The following GRIN2B variants were observed in gnomAD, a reference collection of about 807,000 sequenced individuals.
GRIN2B encodes the protein glutamate ionotropic receptor NMDA type subunit 2B, also known as glutamate receptor ionotropic, NMDA 2B.
In GRIN2B, 5 loss-of-function variants were observed where a neutral mutation model predicts 114.5. The ratio of observed to expected loss-of-function variants is 0.04; its 90% CI spans 0.02 to 0.09. GRIN2B has a LOEUF of 0.09. Ranked by LOEUF, GRIN2B falls within the 10% of genes least tolerant of loss-of-function variation. The pLI is 1.00. For synonymous variants in GRIN2B, 787 were observed against 745.1 expected (o/e 1.06, Z -0.92); for missense variants, 1,108 against 1,943.5 (o/e 0.57, Z 8.08).
At chr12:13,876,225 T>C (rs1467975854) in intron 2 of GRIN2B, among the ~76,000 whole-genome samples, 1 of 151,910 alleles carries the variant, frequency 6.6e-6, no homozygotes, top group African/African-American at 2.4e-5. Context: ...AGGAAGAGAG[T>C]AACTTAAATT....
In GRIN2B at chr12:13,608,838, A is replaced by G. The variant is rs1372868068; in HGVS notation, c.1781-6T>C. Reference sequence around the variant, plus strand: ...GAAAGAGGGTCCACCAGGCTCTGGCATGACAAAAAGACAAGGACGAAAGTT... The same window carrying G: ...GAAAGAGGGTCCACCAGGCTCTGGCGTGACAAAAAGACAAGGACGAAAGTT... On this transcript the variant is annotated splice_region_variant and splice_polypyrimidine_tract_variant and intron_variant, in intron 9 of 13. Coordinates refer to ENST00000609686, the MANE Select transcript of GRIN2B (RefSeq NM_000834.5). 3 of 1,608,386 alleles carry G rather than the reference A, an allele frequency of 1.9e-6. No individual in the cohort carries two copies. The highest frequency in any genetic ancestry group is 1.7e-5 in the Admixed American group (1 of 60,020).
intron 13 of GRIN2B, 140 bp downstream of exon 13, chr12:13,566,885 C>A (rs966067810): frequency 3.5e-5 from 25 of 717,268 alleles, no homozygotes; most frequent in Non-Finnish European, 5.8e-5. Context: ...ACACAAACTC[C>A]TAAGAAAACA....
rs950679024 is a variant in GRIN2B, at chr12:13,616,508, C to T, written c.1275G>A (p.Leu425=). 24 of 1,613,992 alleles carry T rather than the reference C, an allele frequency of 1.5e-5. No homozygotes were observed. In the Admixed American group the frequency reaches 2.8e-4, roughly 19 times the overall value. ...PFVIVESVDP[L]SGTCMRNTVP... is the part of the protein sequence containing the mutation. ...CTGTGTTCCTCATGCAGGTTCCACT[C>T]AGAGGGTCCACACTTTCCACAATGA... Residue 425 remains leucine (L), a synonymous_variant, in exon 6 of 14, where the codon CTG becomes CTA. Transcript: ENST00000609686.
chr12:13,876,171 G>C lies in GRIN2B; in HGVS notation c.-18-9945C>G, dbSNP rs568298137. Reference sequence around the variant, plus strand: ...AAGCAAGGCCCTAAAGTCAAAAAGAGCTAGAATTGAAACCTGGCTTTGACA... The same window carrying C: ...AAGCAAGGCCCTAAAGTCAAAAAGACCTAGAATTGAAACCTGGCTTTGACA... On this transcript the variant is annotated intron_variant, in intron 2 of 13. Transcript: ENST00000609686. Among the ~76,000 whole-genome samples the C allele has an allele frequency of 2.3e-4, 35 of 152,316 alleles. No homozygotes were observed. The South Asian group carries it at 7.3e-3, about 32-fold the overall frequency.
At chr12:13,686,291 T>A (rs972023003) in intron 4 of GRIN2B, among the ~76,000 whole-genome samples, 3 of 152,176 alleles carry the variant, frequency 2.0e-5, no homozygotes, top group Admixed American at 1.3e-4. Context: ...TCAAGCAAGA[T>A]GAGGCCAAGA....
intron 2 of GRIN2B, among the ~76,000 whole-genome samples, chr12:13,953,127 C>T (rs1163092154): frequency 6.6e-6 from 1 of 151,982 alleles, no homozygotes; most frequent in Non-Finnish European, 1.5e-5. Context: ...TCAGCCAGGA[C>T]CACTGACCAG....
At chr12:13,822,381 CTGTGAGGGTTAGAAGTACAAAATGTAGT>C (rs1393179760) in intron 3 of GRIN2B, among the ~76,000 whole-genome samples, 1 of 152,058 alleles carries the variant, frequency 6.6e-6, no homozygotes, top group Non-Finnish European at 1.5e-5. Flanking sequence ...TTGTATGTAG[CTGTGAGGGTTAGAAGTACAAAATGTAGT>C]TGTGAGGGTT....
At chr12:13,951,360 C>T (rs1867475550) in intron 2 of GRIN2B, among the ~76,000 whole-genome samples, 1 of 152,072 alleles carries the variant, frequency 6.6e-6, no homozygotes, top group Non-Finnish European at 1.5e-5. Context: ...GGTAGACAAG[C>T]TAGAGAGCAT....
chr12:13,548,728 A>C lies in GRIN2B; in HGVS notation c.*14055T>G, dbSNP rs1310464836. 6.6e-6 allele frequency: 1 copy of C among 151,890 alleles called. No individual in the cohort carries two copies. The highest frequency in any genetic ancestry group is 1.5e-5 in the Non-Finnish European group (1 of 67,974). 9.4% of individuals were successfully genotyped at this position (151,890 alleles called of 1,614,324 possible). ...TTTTATGTGAATTATTGGGAGGCAA[A>C]AGGACAAGGGAAAAATGAGATTTGT... is the stretch of plus-strand genomic sequence containing the variant. On this transcript the variant is annotated 3_prime_UTR_variant, in exon 14 of 14. Transcript: ENST00000609686.
At chr12:13,821,928 G>A (rs928676731) in intron 3 of GRIN2B, among the ~76,000 whole-genome samples, 15 of 152,136 alleles carry the variant, frequency 9.9e-5, no homozygotes, top group Non-Finnish European at 1.5e-5. Flanking sequence ...AATACGGGAA[G>A]CAATGAAGCT....
chr12:13,949,177 A>G (rs559205414), intron 2 of GRIN2B, among the ~76,000 whole-genome samples: 1 of 152,260 alleles, frequency 6.6e-6, no homozygotes, highest in South Asian at 2.1e-4. Context: ...AAGAACCCAT[A>G]GTTCCTGGAC....
At chr12:13,650,668 T>C (rs1371481347) in intron 5 of GRIN2B, among the ~76,000 whole-genome samples, 1 of 152,048 alleles carries the variant, frequency 6.6e-6, no homozygotes, top group Non-Finnish European at 1.5e-5. Flanking sequence ...CTCAATGAGG[T>C]CTGCCTTACT....
rs543706232 is a variant in GRIN2B at position 13,934,458 on chromosome 12, C to T, written c.-19+45470G>A. 3.6e-4 allele frequency among the ~76,000 whole-genome samples: 55 copies of T among 152,290 alleles called. 1 individual carries two copies. The South Asian group carries it at 0.011, about 30-fold the overall frequency. On this transcript the variant is annotated intron_variant, in intron 2 of 13. Transcript: ENST00000609686. ...GACTTCCACTTTAGAATTAATGAAACCAAGGCTCAGAAAGGTTAAGTAACT... is the reference window on the plus strand; with the variant it reads ...GACTTCCACTTTAGAATTAATGAAATCAAGGCTCAGAAAGGTTAAGTAACT...
intron 3 of GRIN2B, among the ~76,000 whole-genome samples, chr12:13,786,800 C>G (rs1220610287): frequency 6.6e-6 from 1 of 152,132 alleles, no homozygotes; most frequent in South Asian, 2.1e-4. Flanking sequence ...CTTGTTTTGC[C>G]GCTGTGCCTG....
chr12:13,948,516 G>C (rs1054529930), intron 2 of GRIN2B, among the ~76,000 whole-genome samples: 1 of 152,074 alleles, frequency 6.6e-6, no homozygotes, highest in Non-Finnish European at 1.5e-5. Flanking sequence ...ATTTTTGCCA[G>C]AGTCATCCGG....
chr12:13,696,804 G>T (rs1471126663), intron 4 of GRIN2B, among the ~76,000 whole-genome samples: 1 of 152,086 alleles, frequency 6.6e-6, no homozygotes, highest in Non-Finnish European at 1.5e-5. Context: ...TGGAGGACAG[G>T]GAGGGCATAC....
chr12:13,689,642 G>A (rs1437704614), intron 4 of GRIN2B, among the ~76,000 whole-genome samples: 3 of 151,872 alleles, frequency 2.0e-5, no homozygotes, highest in Non-Finnish European at 2.9e-5. Context: ...TAATCTTACC[G>A]TGAGATTTCT....
chr12:13,779,761 G>A (rs777318793), intron 3 of GRIN2B, among the ~76,000 whole-genome samples: 27 of 152,228 alleles, frequency 1.8e-4, no homozygotes, highest in Admixed American at 9.8e-4. Context: ...AGAGCCAAAC[G>A]ACCTAGTCCA....
At position 13,560,221 on chromosome 12, in the gene GRIN2B, T is replaced by C. The variant is rs908602243; in HGVS notation, c.*2562A>G. ...TCACCATAGTGGCCTCCATGAGCAT[T>C]CGCTTTTTCCAGACACCCTGAAGCA... On this transcript the variant is annotated 3_prime_UTR_variant, in exon 14 of 14. Transcript: ENST00000609686. 1 of 152,088 alleles carries C rather than the reference T, an allele frequency of 6.6e-6. No homozygotes were observed. Among genetic ancestry groups the C allele is most frequent in the Non-Finnish European group, 1.5e-5 (1 of 68,006 alleles). 9.4% of individuals were successfully genotyped at this position (152,088 alleles called of 1,614,324 possible).
Sources: allele counts gnomAD v4.1 joint callset (sites outside exome capture counted in the v4.1 genomes callset), GRCh38; gene constraint gnomAD v4.1.1; transcripts MANE v1.5; gene names NCBI Gene and HGNC (gene_info 2026-07-23, HGNC 2026-07-21).